The following CIMIP6 variants were observed in gnomAD, a reference collection of about 807,000 sequenced individuals.
CIMIP6 encodes the protein ciliary microtubule inner protein 6, also known as uncharacterized protein C2orf73.
chr2:54,351,902 T>C, the CIMIP6 span, among the ~76,000 whole-genome samples: 1 of 152,110 alleles, frequency 6.6e-6, no homozygotes. Flanking sequence ...ATTCAATAAA[T>C]TAAACCTAAT....
At chr2:54,352,440 C>A in the CIMIP6 span, among the ~76,000 whole-genome samples, 1 of 152,210 alleles carries the variant, frequency 6.6e-6, no homozygotes, top group East Asian at 1.9e-4. Context: ...TGTTAACTGA[C>A]AAACAAAAAT....
At chr2:54,335,747 G>T in the CIMIP6 span, among the ~76,000 whole-genome samples, 1 of 152,160 alleles carries the variant, frequency 6.6e-6, no homozygotes, top group Non-Finnish European at 1.5e-5. Context: ...TTATTATCTA[G>T]CTTAGAAGTC....
chr2:54,380,615 G>C, the CIMIP6 span, among the ~76,000 whole-genome samples: 1 of 152,182 alleles, frequency 6.6e-6, no homozygotes, highest in African/African-American at 2.4e-5. Flanking sequence ...TCTACCTGTC[G>C]ACATTACAGG....
the CIMIP6 span, among the ~76,000 whole-genome samples, chr2:54,377,658 C>T: frequency 6.6e-6 from 1 of 152,058 alleles, no homozygotes; most frequent in South Asian, 2.1e-4. Context: ...AATGAAAATC[C>T]AGCTCTCTCT....
At chr2:54,362,349 A>C in the CIMIP6 span, among the ~76,000 whole-genome samples, 1 of 152,248 alleles carries the variant, frequency 6.6e-6, no homozygotes, top group African/African-American at 2.4e-5. Context: ...ATATAATTTC[A>C]AAACTGGAGA....
At chr2:54,365,797 A>T in the CIMIP6 span, among the ~76,000 whole-genome samples, 1 of 152,248 alleles carries the variant, frequency 6.6e-6, no homozygotes, top group Non-Finnish European at 1.5e-5. Flanking sequence ...AGCTATAGAG[A>T]TTCTACAGTT....
chr2:54,351,109 C>T, the CIMIP6 span, among the ~76,000 whole-genome samples: 9 of 152,132 alleles, frequency 5.9e-5, no homozygotes, highest in Non-Finnish European at 1.3e-4. Context: ...ATAAGAACAG[C>T]ATCTTTCACT....
At chr2:54,331,713 G>A in the CIMIP6 span, among the ~76,000 whole-genome samples, 1 of 151,716 alleles carries the variant, frequency 6.6e-6, no homozygotes, top group Non-Finnish European at 1.5e-5. Context: ...CTATGGCTGG[G>A]GCTCAATAAT....
At chr2:54,335,085 T>C in the CIMIP6 span, 6 of 1,364,998 alleles carry the variant, frequency 4.4e-6, no homozygotes, top group Non-Finnish European at 6.0e-6. Flanking sequence ...TTTTGCAGAA[T>C]AATTTGGTCA....
the CIMIP6 span, among the ~76,000 whole-genome samples, chr2:54,336,287 C>T: frequency 2.0e-5 from 3 of 152,162 alleles, no homozygotes; most frequent in Non-Finnish European, 4.4e-5. Flanking sequence ...ACTCCAACAG[C>T]TACTGATCTG....
At chr2:54,335,102 A>T in the CIMIP6 span, 2 of 1,133,314 alleles carry the variant, frequency 1.8e-6, no homozygotes, top group Non-Finnish European at 2.5e-6. Context: ...GTCACAGACT[A>T]TAAAGGATGA....
chr2:54,348,258 C>T, the CIMIP6 span, among the ~76,000 whole-genome samples: 14 of 152,184 alleles, frequency 9.2e-5, no homozygotes, highest in Admixed American at 9.2e-4. Flanking sequence ...TTGTGAGAAA[C>T]AACACGTAAA....
the CIMIP6 span, chr2:54,359,075 G>C: frequency 1.4e-6 from 2 of 1,433,384 alleles, no homozygotes; most frequent in East Asian, 2.5e-5. Context: ...CCAGGGAAAG[G>C]TGAGGCAGTA....
chr2:54,358,023 T>C, the CIMIP6 span, among the ~76,000 whole-genome samples: 1 of 152,222 alleles, frequency 6.6e-6, no homozygotes, highest in African/African-American at 2.4e-5. Context: ...AACTGAGTTT[T>C]AAAAATTATT....
the CIMIP6 span, among the ~76,000 whole-genome samples, chr2:54,341,899 A>G: frequency 6.6e-6 from 1 of 152,278 alleles, no homozygotes; most frequent in East Asian, 1.9e-4. Flanking sequence ...AGATGTGACT[A>G]TTTTCAGCCA....
chr2:54,348,866 C>T, the CIMIP6 span, among the ~76,000 whole-genome samples: 4 of 152,086 alleles, frequency 2.6e-5, no homozygotes, highest in South Asian at 2.1e-4. Flanking sequence ...TATCTTGTGC[C>T]GACAATTCAA....
chr2:54,341,161 C>T, the CIMIP6 span, among the ~76,000 whole-genome samples: 1 of 152,148 alleles, frequency 6.6e-6, no homozygotes, highest in Non-Finnish European at 1.5e-5. Flanking sequence ...ATATTTACTG[C>T]TATGGTTTGA....
the CIMIP6 span, among the ~76,000 whole-genome samples, chr2:54,353,504 T>C: frequency 6.6e-6 from 1 of 152,066 alleles, no homozygotes; most frequent in Admixed American, 6.6e-5. Flanking sequence ...GCAGGGCTCT[T>C]GGTTTTCAAG....
the CIMIP6 span, chr2:54,334,684 C>G: frequency 6.1e-6 from 4 of 656,150 alleles, no homozygotes; most frequent in Non-Finnish European, 1.0e-5. Context: ...ACAGCACAAA[C>G]CCTTATAACT....
Sources: allele counts gnomAD v4.1 joint callset (sites outside exome capture counted in the v4.1 genomes callset), GRCh38; gene constraint gnomAD v4.1.1; transcripts MANE v1.5; gene names NCBI Gene and HGNC (gene_info 2026-07-23, HGNC 2026-07-21).